Variants in SRGAP3 observed in about 807,000 individuals in gnomAD.
SRGAP3 encodes the protein SLIT-ROBO Rho GTPase activating protein 3.
In SRGAP3, 39 loss-of-function variants were observed where a neutral mutation model predicts 121.1. The observed-to-expected ratio is 0.32, with a 90% CI of 0.25 to 0.42. The LOEUF is 0.42. Among genes scored for constraint, SRGAP3 ranks in the 10% least tolerant of loss-of-function variants. The pLI is 1.00. For missense variants in SRGAP3, 1,213 were observed against 1,470.6 expected (o/e 0.82, Z 2.86); for synonymous variants, 601 against 570.0 (o/e 1.05, Z -0.77).
chr3:9,146,858 A>G (rs1950043271), intron 1 of SRGAP3, among the ~76,000 whole-genome samples: 1 of 152,198 alleles, frequency 6.6e-6, no homozygotes. Context: ...CAGCATGAGC[A>G]GAATTGTTCA....
chr3:9,054,059 C>T (rs185479381), intron 8 of SRGAP3, among the ~76,000 whole-genome samples: 2 of 152,338 alleles, frequency 1.3e-5, no homozygotes, highest in African/African-American at 4.8e-5. Flanking sequence ...CACTCAGTGC[C>T]TATTACTGTC....
chr3:9,358,612 C>T (rs953160103), intron 1 of SRGAP3, among the ~76,000 whole-genome samples: 1 of 152,288 alleles, frequency 6.6e-6, no homozygotes, highest in East Asian at 1.9e-4. Flanking sequence ...AATGTCAGAT[C>T]CTACAGGTTA....
chr3:9,279,002 G>C (rs1247265444), intron 3 of SRGAP3, among the ~76,000 whole-genome samples: 1 of 152,096 alleles, frequency 6.6e-6, no homozygotes, highest in Admixed American at 6.5e-5. Flanking sequence ...GGCCGGGCGT[G>C]GTGGTGCACA....
chr3:9,251,851 G>C (rs745961862), upstream of SRGAP3, among the ~76,000 whole-genome samples: 1 of 152,194 alleles, frequency 6.6e-6, no homozygotes, highest in Non-Finnish European at 1.5e-5. Flanking sequence ...TGCACCAGCT[G>C]TGTGTGGGGC....
chr3:9,356,786 C>T (rs1259259488), intron 1 of SRGAP3, among the ~76,000 whole-genome samples: 3 of 151,802 alleles, frequency 2.0e-5, no homozygotes, highest in African/African-American at 4.8e-5. Flanking sequence ...GGGATTACAG[C>T]CATGAGCCAC....
At chr3:9,170,399 C>A (rs545197365) in intron 1 of SRGAP3, among the ~76,000 whole-genome samples, 6 of 152,138 alleles carry the variant, frequency 3.9e-5, no homozygotes, top group Admixed American at 2.0e-4. Context: ...AGTAGTAGTG[C>A]GGGGAGCAGC....
intron 3 of SRGAP3, among the ~76,000 whole-genome samples, chr3:9,309,028 A>T (rs1574991812): frequency 6.6e-6 from 1 of 152,268 alleles, no homozygotes. Flanking sequence ...TGGCCAATGG[A>T]ACATTACCAA....
At chr3:9,336,933 T>C (rs896883641) in intron 1 of SRGAP3, among the ~76,000 whole-genome samples, 13 of 152,136 alleles carry the variant, frequency 8.5e-5, no homozygotes, top group African/African-American at 3.1e-4. Flanking sequence ...AGTCTCACTA[T>C]GTTGCCTAGG....
chr3:9,248,478 A>G (rs1215964154), intron 1 of SRGAP3, among the ~76,000 whole-genome samples: 1 of 152,176 alleles, frequency 6.6e-6, no homozygotes, highest in East Asian at 1.9e-4. Flanking sequence ...AGGGGGAGGA[A>G]AAAAAGAGCA....
intron 1 of SRGAP3, among the ~76,000 whole-genome samples, chr3:9,188,411 G>C (rs1951662458): frequency 6.6e-6 from 1 of 152,198 alleles, no homozygotes; most frequent in Non-Finnish European, 1.5e-5. Flanking sequence ...AGAGAGAAGG[G>C]CATGAAAGAT....
chr3:9,315,814 A>T (rs528348029), intron 3 of SRGAP3, among the ~76,000 whole-genome samples: 2 of 152,352 alleles, frequency 1.3e-5, no homozygotes, highest in African/African-American at 4.8e-5. Flanking sequence ...AGATTAAAAA[A>T]AAGAATGCAA....
At chr3:9,189,325 A>G (rs1951687111) in intron 1 of SRGAP3, among the ~76,000 whole-genome samples, 1 of 152,246 alleles carries the variant, frequency 6.6e-6, no homozygotes, top group Admixed American at 6.5e-5. Flanking sequence ...GAAATGTTTC[A>G]GCTGGTAAGG....
chr3:9,032,572 G>C, intron 12 of SRGAP3, 78 bp downstream of exon 12: 1 of 1,345,456 alleles, frequency 7.4e-7, no homozygotes. Context: ...AGGGCTGTCT[G>C]CTGGCAGGGA....
intron 1 of SRGAP3, among the ~76,000 whole-genome samples, chr3:9,211,958 G>C (rs1243661967): frequency 6.6e-6 from 1 of 152,092 alleles, no homozygotes; most frequent in Non-Finnish European, 1.5e-5. Context: ...TTATAGGTGT[G>C]AGCCACCACT....
In SRGAP3 at chr3:9,119,368, G is replaced by T. The variant is rs1417111522; in HGVS notation, c.260+5357C>A. ...CTCCTCGGCTCCACCCTCCAACCCA[G>T]GTGGTCTTTTAAACATATAAATCAC... On this transcript the variant is annotated intron_variant, in intron 2 of 21. Coordinates refer to ENST00000383836, the MANE Select transcript of SRGAP3 (RefSeq NM_014850.4). Among the ~76,000 whole-genome samples the T allele has an allele frequency of 2.0e-5, 3 of 152,134 alleles. No homozygotes were observed. In the South Asian group the frequency reaches 6.2e-4, roughly 32 times the overall value.
Position 9,188,838 on chromosome 3 carries a change from C to G in SRGAP3, c.67+60047G>C, listed in dbSNP as rs138602100. 5.4e-3 allele frequency among the ~76,000 whole-genome samples: 827 copies of G among 152,242 alleles called. 4 individuals carry two copies. The highest frequency in any genetic ancestry group is 0.019 in the African/African-American group (793 of 41,540). ...AAATAGGGAAAGATGCAAAGTTGGC[C>G]TAAGAACTACTGCTCCCTGCTCCCC... On this transcript the variant is annotated intron_variant, in intron 1 of 21. Transcript: ENST00000383836.
chr3:9,340,970 C>A (rs907664292), intron 1 of SRGAP3, among the ~76,000 whole-genome samples: 6 of 152,128 alleles, frequency 3.9e-5, no homozygotes, highest in Admixed American at 3.3e-4. Context: ...GGCTGGAAGT[C>A]CAAGATCAAG....
intron 11 of SRGAP3, chr3:9,037,783 C>T (rs1026313477): frequency 3.7e-6 from 2 of 546,740 alleles, no homozygotes; most frequent in Non-Finnish European, 6.6e-6. Context: ...AATACTGTCT[C>T]ACCCGATGGC....
chr3:9,236,578 T>G (rs191817007), intron 1 of SRGAP3, among the ~76,000 whole-genome samples: 2 of 151,876 alleles, frequency 1.3e-5, no homozygotes, highest in East Asian at 3.9e-4. Flanking sequence ...TGTGTGGCAC[T>G]TCCCCCCCCC....
Sources: gnomAD v4.1 joint callset for allele counts (sites outside exome capture counted in the v4.1 genomes callset) on GRCh38, gnomAD v4.1.1 for gene constraint, MANE v1.5 for transcripts, NCBI Gene and HGNC (gene_info 2026-07-23, HGNC 2026-07-21) for gene names.